The following SUGCT variants were observed in gnomAD, a reference collection of about 807,000 sequenced individuals.
The protein encoded by SUGCT is succinyl-CoA:glutarate-CoA transferase, also known as succinyl-CoA:glutarate CoA-transferase.
Under a neutral mutation model 55.0 loss-of-function variants are expected in SUGCT, and 41 were observed. The ratio of observed to expected loss-of-function variants is 0.74; its 90% CI spans 0.58 to 0.97. The LOEUF is 0.97. SUGCT is among the 50% of genes least tolerant of loss of function. The pLI, the probability that SUGCT is intolerant of heterozygous loss-of-function variation, is 0.00. For synonymous variants in SUGCT, 187 were observed against 200.4 expected (o/e 0.93, Z 0.56); for missense variants, 568 against 547.8 (o/e 1.04, Z -0.37).
chr7:40,779,841 A>G (rs577162747), intron 13 of SUGCT, among the ~76,000 whole-genome samples: 14 of 152,250 alleles, frequency 9.2e-5, no homozygotes, highest in African/African-American at 1.9e-4. Context: ...GCAGTTTTCT[A>G]TTAGTGGCTT....
intron 12 of SUGCT, among the ~76,000 whole-genome samples, chr7:40,530,989 T>C (rs1794053446): frequency 6.6e-6 from 1 of 152,110 alleles, no homozygotes; most frequent in African/African-American, 2.4e-5. Context: ...AGGGTAAAAT[T>C]TGTATAAGTT....
chr7:40,219,599 G>A (rs1356325233), intron 6 of SUGCT, among the ~76,000 whole-genome samples: 2 of 152,110 alleles, frequency 1.3e-5, no homozygotes, highest in Non-Finnish European at 2.9e-5. Context: ...TTGTGACCAG[G>A]CCATGTGAAT....
the SUGCT span, among the ~76,000 whole-genome samples, chr7:40,997,214 G>C: frequency 2.0e-5 from 3 of 152,252 alleles, no homozygotes; most frequent in African/African-American, 7.2e-5. Context: ...TCTACTCTCT[G>C]TCTCCCTCAT....
intron 7 of SUGCT, among the ~76,000 whole-genome samples, chr7:40,238,358 T>C (rs1789145488): frequency 6.6e-6 from 1 of 152,008 alleles, no homozygotes; most frequent in African/African-American, 2.4e-5. Flanking sequence ...AGTATTTAGA[T>C]GGCCAAAATG....
chr7:40,778,614 T>C (rs1186133250), intron 13 of SUGCT, among the ~76,000 whole-genome samples: 1 of 152,244 alleles, frequency 6.6e-6, no homozygotes, highest in Non-Finnish European at 1.5e-5. Context: ...CATCCTGCCC[T>C]GCACTCATAA....
chr7:40,662,060 G>A (rs73124006), intron 12 of SUGCT, among the ~76,000 whole-genome samples: 27,496 of 152,128 alleles, frequency 0.18, 2,623 homozygotes, highest in African/African-American at 0.22. Flanking sequence ...TTTGTCAAAC[G>A]TATCTCCCCC....
intron 8 of SUGCT, among the ~76,000 whole-genome samples, chr7:40,298,909 TTC>T (rs763124305): frequency 4.7e-4 from 72 of 152,278 alleles, no homozygotes; most frequent in African/African-American, 1.5e-3. Flanking sequence ...AATAATTATC[TTC>T]TCTTTTAAAA....
At chr7:41,024,143 A>G in the SUGCT span, among the ~76,000 whole-genome samples, 3 of 152,256 alleles carry the variant, frequency 2.0e-5, no homozygotes, top group South Asian at 2.1e-4. Context: ...GGAAACTTCC[A>G]TTCAGAAAAA....
intron 9 of SUGCT, among the ~76,000 whole-genome samples, chr7:40,419,586 A>G (rs1787196652): frequency 6.6e-6 from 1 of 152,072 alleles, no homozygotes; most frequent in South Asian, 2.1e-4. Context: ...CTTCTTTGGT[A>G]TCTGTGGGAG....
At chr7:40,183,537 AC>A (rs1009426258) in intron 3 of SUGCT, among the ~76,000 whole-genome samples, 6 of 152,012 alleles carry the variant, frequency 3.9e-5, no homozygotes, top group African/African-American at 1.4e-4. Flanking sequence ...GTGTGTAGAG[AC>A]AGGGTCTTGC....
chr7:40,650,533 A>G (rs765876931), intron 12 of SUGCT, among the ~76,000 whole-genome samples: 5 of 152,134 alleles, frequency 3.3e-5, no homozygotes, highest in Admixed American at 6.5e-5. Context: ...CTCCTCTTAT[A>G]ATCTGTTAGG....
At chr7:40,274,073 C>CTTTTTTTTTTTTTT (rs386409972) in intron 7 of SUGCT, among the ~76,000 whole-genome samples, 4 of 68,018 alleles carry the variant, frequency 5.9e-5, no homozygotes, top group East Asian at 5.4e-4. Context: ...TTTTTACCTT[C>CTTTTTTTTTTTTTT]TTTTTTTTTT....
chr7:40,907,096 A>AGTGT, the SUGCT span, among the ~76,000 whole-genome samples: 882 of 101,610 alleles, frequency 8.7e-3, 6 homozygotes, highest in Middle Eastern at 0.033. Flanking sequence ...TTGTTCTGAT[A>AGTGT]GTGTGTGTGT....
At chr7:40,488,243 A>G (rs1443419715) in intron 11 of SUGCT, among the ~76,000 whole-genome samples, 3 of 151,970 alleles carry the variant, frequency 2.0e-5, no homozygotes, top group Non-Finnish European at 2.9e-5. Flanking sequence ...TGTGAATACC[A>G]TGAAGTTTAC....
intron 5 of SUGCT, among the ~76,000 whole-genome samples, chr7:40,192,734 C>A (rs1785989671): frequency 6.7e-6 from 1 of 150,108 alleles, no homozygotes; most frequent in Non-Finnish European, 1.5e-5. Flanking sequence ...TGGGTTCAAG[C>A]AATTCTCCTG....
At chr7:40,384,599 G>A (rs1785022599) in intron 9 of SUGCT, among the ~76,000 whole-genome samples, 1 of 151,530 alleles carries the variant, frequency 6.6e-6, no homozygotes, top group African/African-American at 2.4e-5. Flanking sequence ...TGCCTGGGCT[G>A]GAGTGCAGTA....
At chr7:40,337,673 G>A (rs904863982) in intron 9 of SUGCT, among the ~76,000 whole-genome samples, 1 of 152,142 alleles carries the variant, frequency 6.6e-6, no homozygotes, top group African/African-American at 2.4e-5. Flanking sequence ...CCTGAATACA[G>A]CACACTGATG....
intron 13 of SUGCT, among the ~76,000 whole-genome samples, chr7:40,824,533 C>A (rs563531710): frequency 6.6e-6 from 1 of 152,272 alleles, no homozygotes; most frequent in Non-Finnish European, 1.5e-5. Flanking sequence ...ATATGGTATG[C>A]ATTCGTTGGG....
intron 6 of SUGCT, among the ~76,000 whole-genome samples, chr7:40,209,300 A>T (rs1376812939): frequency 6.7e-6 from 1 of 149,440 alleles, no homozygotes; most frequent in Non-Finnish European, 1.5e-5. Flanking sequence ...GAGGTCAGGA[A>T]TTAGAGATCA....
Sources: allele counts gnomAD v4.1 joint callset (sites outside exome capture counted in the v4.1 genomes callset), GRCh38; gene constraint gnomAD v4.1.1; transcripts MANE v1.5; gene names NCBI Gene and HGNC (gene_info 2026-07-23, HGNC 2026-07-21).